Variants in CMC2 observed in about 807,000 individuals in gnomAD.
CMC2 encodes COX assembly mitochondrial protein 2 homolog.
CMC2 carries 5 observed loss-of-function variants against 7.5 expected under a neutral mutation model. The observed-to-expected ratio is 0.66, with a 90% confidence interval of 0.35 to 1.40. The LOEUF is 1.40. Ranked by LOEUF, CMC2 falls within the 40% of genes most tolerant of loss-of-function variation. CMC2 has a pLI of 0.04. For missense variants in CMC2, 115 were observed against 92.3 expected (o/e 1.25, Z -1.01); for synonymous variants, 37 against 31.4 (o/e 1.18, Z -0.60).
At position 80,993,493 on chromosome 16, in the gene CMC2, G is replaced by GAGT. The variant is rs1347834175; in HGVS notation, c.81+3818_81+3820dup. Among the ~76,000 whole-genome samples the GAGT allele has an allele frequency of 2.6e-5, 4 of 152,322 alleles. No homozygotes were observed. The East Asian group carries it at 7.7e-4, about 29-fold the overall frequency. On this transcript the variant is annotated intron_variant, in intron 2 of 3. Transcript: ENST00000219400. ...ATGGAGCTGCCTTGAGTCACTGACT[G>GAGT]AGTATTCACTACACATGTATTGGGT...
chr16:80,993,240 T>C (rs2151638919), intron 2 of CMC2, among the ~76,000 whole-genome samples: 1 of 152,302 alleles, frequency 6.6e-6, no homozygotes, highest in Middle Eastern at 3.4e-3. Flanking sequence ...GACAACAGAC[T>C]ACAGGACTGT....
At position 80,968,961 on chromosome 16, in the gene CMC2, TAAGAAAACATTAAC is replaced by T. The variant is rs1911734884; in HGVS notation, c.*7118_*7131del. 1 of 152,172 alleles carries T rather than the reference TAAGAAAACATTAAC, an allele frequency of 6.6e-6. No individual in the cohort carries two copies. The highest frequency in any genetic ancestry group is 1.5e-5 in the Non-Finnish European group (1 of 68,018). 9.4% of individuals were successfully genotyped at this position (152,172 alleles called of 1,614,324 possible). On this transcript the variant is annotated 3_prime_UTR_variant, in exon 4 of 4. Coordinates refer to ENST00000219400, the MANE Select transcript of CMC2 (RefSeq NM_020188.5). The stretch of plus-strand genomic sequence containing the variant: ...ATAAAGCCAGGAGATGGTAATCCTC[TAAGAAAACATTAAC>T]TAGAAAACATAACACTTGCCAGCAT...
At chr16:80,989,180 T>C (rs751103444) in intron 2 of CMC2, among the ~76,000 whole-genome samples, 3 of 152,220 alleles carry the variant, frequency 2.0e-5, no homozygotes, top group Non-Finnish European at 4.4e-5. Context: ...AACTATCCAA[T>C]TATTTCCTCA....
rs971645897 is a variant in CMC2 at position 80,969,660 on chromosome 16, G to C, written c.*6433C>G. The C allele has an allele frequency of 6.6e-6, 1 of 152,484 alleles. No individual in the cohort carries two copies. Among genetic ancestry groups the C allele is most frequent in the Non-Finnish European group, 1.5e-5 (1 of 68,324 alleles). The allele number at this position is 152,484 out of a possible 1,614,324, so 9.4% of individuals were successfully genotyped here. The stretch of plus-strand genomic sequence containing the variant: ...CCCAGCACTTCAGGAGGCCGAGGCA[G>C]GTGGATCACTTGAGGTCGGGAGTTC... On this transcript the variant is annotated 3_prime_UTR_variant, in exon 4 of 4. Coordinates refer to ENST00000219400, the MANE Select transcript of CMC2 (RefSeq NM_020188.5).
rs912184925 is a variant in CMC2, at chr16:80,972,941, G to C, written c.*3152C>G. The C allele has an allele frequency of 2.6e-5, 4 of 152,426 alleles. No individual in the cohort carries two copies. The highest frequency in any genetic ancestry group is 4.4e-5 in the Non-Finnish European group (3 of 68,190). 9.4% of individuals were successfully genotyped at this position (152,426 alleles called of 1,614,324 possible). On this transcript the variant is annotated 3_prime_UTR_variant, in exon 4 of 4. Transcript: ENST00000219400. ...GCCAGAAGCTTCATAAAGGCAAGAA[G>C]ACATGGAACCTCTGCACCTCCCAAC... is the stretch of plus-strand genomic sequence containing the variant.
chr16:80,987,811 A>G (rs182207108), intron 2 of CMC2, among the ~76,000 whole-genome samples: 1 of 152,316 alleles, frequency 6.6e-6, no homozygotes, highest in Admixed American at 6.5e-5. Flanking sequence ...AAAAAGACTA[A>G]AACAGAATTA....
At chr16:80,992,826 G>A (rs958787331) in intron 2 of CMC2, among the ~76,000 whole-genome samples, 3 of 151,360 alleles carry the variant, frequency 2.0e-5, no homozygotes, top group Non-Finnish European at 4.4e-5. Flanking sequence ...CAAGTAGCTA[G>A]GACTACAGGC....
intron 3 of CMC2, among the ~76,000 whole-genome samples, chr16:80,978,002 G>C (rs62054245): frequency 1.3e-5 from 2 of 151,214 alleles, no homozygotes; most frequent in Non-Finnish European, 2.9e-5. Context: ...AATCCAGAAG[G>C]AGGAGGTTGC....
intron 2 of CMC2, among the ~76,000 whole-genome samples, chr16:80,990,429 C>T (rs1967889639): frequency 6.6e-6 from 1 of 152,144 alleles, no homozygotes; most frequent in Non-Finnish European, 1.5e-5. Flanking sequence ...CATGGCCTCC[C>T]AAAGTGCTGG....
At chr16:80,989,972 A>T (rs558958051) in intron 2 of CMC2, among the ~76,000 whole-genome samples, 68 of 152,340 alleles carry the variant, frequency 4.5e-4, no homozygotes, top group African/African-American at 1.6e-3. Flanking sequence ...CCTACGTTCA[A>T]ATTACTTGGG....
chr16:80,978,571 C>G (rs903747270), intron 3 of CMC2, among the ~76,000 whole-genome samples: 3 of 151,952 alleles, frequency 2.0e-5, no homozygotes, highest in African/African-American at 7.3e-5. Flanking sequence ...TGTTTCTTTT[C>G]AAGAAGAAGA....
At position 80,997,322 on chromosome 16, in the gene CMC2, G is replaced by C. The variant is rs758665076; in HGVS notation, c.73C>G (p.His25Asp). The change falls in exon 2 of 4, where the codon CAC (histidine) becomes GAC (aspartate). Residue 25 changes from histidine to aspartate, a missense_variant. Coordinates refer to ENST00000219400, the MANE Select transcript of CMC2 (RefSeq NM_020188.5). ...TTTTTCTGAACTCTTACATTTTTGT[G>C]ACATTCCTTAAGCAAGTTAATCAAG... ...NVLINLLKECHKNHNILKFFG... is the reference protein window; with the variant it reads ...NVLINLLKECDKNHNILKFFG... The C allele has an allele frequency of 3.7e-6, 4 of 1,091,208 alleles. No homozygotes were observed. The East Asian group carries it at 9.3e-5, about 25-fold the overall frequency. 67.6% of individuals were successfully genotyped at this position (1,091,208 alleles called of 1,614,324 possible).
At chr16:80,995,805 A>C (rs1428170448) in intron 2 of CMC2, among the ~76,000 whole-genome samples, 2 of 152,226 alleles carry the variant, frequency 1.3e-5, no homozygotes, top group African/African-American at 4.8e-5. Context: ...GGCACAGGAA[A>C]CTGATAGAAA....
intron 1 of CMC2, among the ~76,000 whole-genome samples, chr16:81,002,072 T>TACTAAC (rs1313794710): frequency 3.9e-5 from 6 of 152,226 alleles, no homozygotes; most frequent in African/African-American, 1.4e-4. Context: ...ATTCTGCACC[T>TACTAAC]ACATTTATGT....
In CMC2 at chr16:80,970,552, T is replaced by C. The variant is rs1020178872; in HGVS notation, c.*5541A>G. On this transcript the variant is annotated 3_prime_UTR_variant, in exon 4 of 4. Transcript: ENST00000219400. ...TCAGTCACAAGAGAAGTCTGATGTA[T>C]CTATTAAACATTATACTGAATGTTC... is the stretch of plus-strand genomic sequence containing the variant. The C allele has an allele frequency of 2.0e-5, 3 of 152,340 alleles. No individual in the cohort carries two copies. The highest frequency in any genetic ancestry group is 3.4e-3 in the Middle Eastern group (1 of 294). 9.4% of individuals were successfully genotyped at this position (152,340 alleles called of 1,614,324 possible). A position where few individuals can be genotyped will look rare whatever the true frequency, so the allele number is the denominator to read the frequency against.
At chr16:80,984,770 T>C (rs1364808792) in intron 2 of CMC2, among the ~76,000 whole-genome samples, 1 of 152,220 alleles carries the variant, frequency 6.6e-6, no homozygotes, top group African/African-American at 2.4e-5. Context: ...CATATGTACA[T>C]CTTAATTCAA....
Position 80,971,488 on chromosome 16 carries a change from C to G in CMC2, c.*4605G>C, listed in dbSNP as rs1193529259. 6.9e-6 allele frequency: 1 copy of G among 144,622 alleles called. No individual in the cohort carries two copies. The highest frequency in any genetic ancestry group is 1.5e-5 in the Non-Finnish European group (1 of 66,952). The allele number at this position is 144,622 out of a possible 1,614,324, so 9.0% of individuals were successfully genotyped here. On this transcript the variant is annotated 3_prime_UTR_variant, in exon 4 of 4. Coordinates refer to ENST00000219400, the MANE Select transcript of CMC2 (RefSeq NM_020188.5). ...AAGGTACGCTACCAAAGGCTACACACATCATGACGCCTCCTAAGTAAAATG... is the reference window on the plus strand; with the variant it reads ...AAGGTACGCTACCAAAGGCTACACAGATCATGACGCCTCCTAAGTAAAATG...
intron 2 of CMC2, 165 bp downstream of exon 2, chr16:80,997,149 T>C (rs1968488952): frequency 1.6e-6 from 1 of 607,490 alleles, no homozygotes; most frequent in Non-Finnish European, 2.9e-6. Flanking sequence ...GTAGTTTGTG[T>C]AAAAAAAAGA....
At chr16:81,004,035 C>G (rs916527395) in intron 1 of CMC2, among the ~76,000 whole-genome samples, 2 of 152,164 alleles carry the variant, frequency 1.3e-5, no homozygotes, top group Non-Finnish European at 2.9e-5. Flanking sequence ...CCAGCCTAGC[C>G]AACATGGTGA....
Sources: gnomAD v4.1 joint callset for allele counts (sites outside exome capture counted in the v4.1 genomes callset) on GRCh38, gnomAD v4.1.1 for gene constraint, MANE v1.5 for transcripts, NCBI Gene and HGNC (gene_info 2026-07-23, HGNC 2026-07-21) for gene names.